The following XPR1 variants were observed in gnomAD, a reference collection of about 807,000 sequenced individuals.
The protein encoded by XPR1 is xenotropic and polytropic retrovirus receptor 1, also known as solute carrier family 53 member 1.
A neutral mutation model predicts 87.5 loss-of-function variants in XPR1; 28 were observed. That is an observed-to-expected ratio of 0.32 (90% CI 0.24 to 0.44). XPR1 has a LOEUF of 0.44. XPR1 is among the 20% of genes least tolerant of loss of function. XPR1 has a pLI of 1.00. For synonymous variants in XPR1, 300 were observed against 306.1 expected, an observed-to-expected ratio of 0.98 and a Z score of 0.21; for missense variants, 559 against 862.3, an observed-to-expected ratio of 0.65 and a Z score of 4.41.
chr1:180,838,234 T>C (rs1651374926), intron 11 of XPR1, among the ~76,000 whole-genome samples: 1 of 152,040 alleles, frequency 6.6e-6, no homozygotes, highest in Non-Finnish European at 1.5e-5. Context: ...GAAGAGAAAA[T>C]ATCTTTCCTG....
At chr1:180,682,835 T>C (rs894382631) in intron 2 of XPR1, among the ~76,000 whole-genome samples, 34 of 147,046 alleles carry the variant, frequency 2.3e-4, no homozygotes, top group East Asian at 1.2e-3. Context: ...TGTGTGTGCG[T>C]GTGTGTGTGT....
Position 180,729,019 on chromosome 1 carries a change from A to T in XPR1, c.121+46608A>T, listed in dbSNP as rs559140385. Among the ~76,000 whole-genome samples the T allele has an allele frequency of 1.2e-4, 18 of 152,160 alleles. No individual in the cohort carries two copies. The South Asian group carries it at 3.5e-3, about 30-fold the overall frequency. ...CACCCTCCACCCTCAAGTAGGCCCC[A>T]GTGTTTGTTGTTTTCTTTGTGTCCA... is the stretch of plus-strand genomic sequence containing the variant. On this transcript the variant is annotated intron_variant, in intron 2 of 14. Transcript: ENST00000367590.
intron 4 of XPR1, among the ~76,000 whole-genome samples, chr1:180,805,275 G>C (rs771359792): frequency 1.4e-4 from 22 of 152,178 alleles, no homozygotes; most frequent in Non-Finnish European, 3.1e-4. Flanking sequence ...TCTTACTGTT[G>C]GGGACATGTA....
chr1:180,835,672 C>G (rs1651260340), intron 10 of XPR1, among the ~76,000 whole-genome samples: 1 of 152,130 alleles, frequency 6.6e-6, no homozygotes, highest in African/African-American at 2.4e-5. Flanking sequence ...TGATCACACT[C>G]AATTCTGAAT....
chr1:180,809,423 C>G (rs1650128109), intron 6 of XPR1, among the ~76,000 whole-genome samples: 1 of 152,256 alleles, frequency 6.6e-6, no homozygotes, highest in Non-Finnish European at 1.5e-5. Flanking sequence ...TATTGTATAT[C>G]AACTTAGTCA....
At chr1:180,806,953 CTG>C (rs1487015434) in intron 6 of XPR1, among the ~76,000 whole-genome samples, 1 of 152,082 alleles carries the variant, frequency 6.6e-6, no homozygotes, top group Non-Finnish European at 1.5e-5. Context: ...GTGATATCTT[CTG>C]TGTCATAAAA....
intron 2 of XPR1, among the ~76,000 whole-genome samples, chr1:180,686,476 G>T (rs1165374795): frequency 6.6e-6 from 1 of 152,132 alleles, no homozygotes; most frequent in Non-Finnish European, 1.5e-5. Context: ...ATTTGGGGTG[G>T]AGAGTTCTGT....
At chr1:180,657,949 T>C (rs1557942553) in intron 1 of XPR1, among the ~76,000 whole-genome samples, 1 of 152,204 alleles carries the variant, frequency 6.6e-6, no homozygotes, top group Non-Finnish European at 1.5e-5. Context: ...TTTGCATGTG[T>C]GTCCTCTTTA....
At chr1:180,645,960 A>G (rs1161007232) in intron 1 of XPR1, among the ~76,000 whole-genome samples, 1 of 152,240 alleles carries the variant, frequency 6.6e-6, no homozygotes, top group South Asian at 2.1e-4. Flanking sequence ...CAAAAACTTG[A>G]ATAGTTCTGC....
intron 11 of XPR1, among the ~76,000 whole-genome samples, chr1:180,862,506 T>C (rs1209120359): frequency 6.6e-6 from 1 of 152,126 alleles, no homozygotes; most frequent in Non-Finnish European, 1.5e-5. Context: ...TAGAACTAAC[T>C]CAAATGCTGC....
chr1:180,827,471 G>T (rs1184674997), intron 9 of XPR1, among the ~76,000 whole-genome samples: 2 of 152,160 alleles, frequency 1.3e-5, no homozygotes, highest in African/African-American at 4.8e-5. Context: ...ACTCCTATTA[G>T]CAGAATGATT....
In XPR1 at chr1:180,887,189, C is replaced by CA. The variant is rs1221834036; in HGVS notation, c.*3131dup. On this transcript the variant is annotated 3_prime_UTR_variant, in exon 15 of 15. Transcript: ENST00000367590. ...AGCAAGACTCCATCTCAAAAACAAA[C>CA]AAAAAAAATCACAGACTCATTTTAA... 7.2e-5 allele frequency: 11 copies of CA among 151,898 alleles called. No homozygotes were observed. In the East Asian group the frequency reaches 1.2e-3, roughly 16 times the overall value. The allele number at this position is 151,898 out of a possible 1,614,324, so 9.4% of individuals were successfully genotyped here. A position where few individuals can be genotyped will look rare whatever the true frequency, so the allele number is the denominator to read the frequency against.
At chr1:180,637,898 C>A (rs928973665) in intron 1 of XPR1, among the ~76,000 whole-genome samples, 1 of 152,138 alleles carries the variant, frequency 6.6e-6, no homozygotes, top group East Asian at 1.9e-4. Flanking sequence ...CTGTCAGTCA[C>A]AATGAACTTG....
In XPR1 at chr1:180,850,157, T is replaced by C. The variant is rs565023125; in HGVS notation, c.1501+13441T>C. ...ACAGGTTTTACTCTACTTCTAAAAA[T>C]ATTTTATTTAAAAGAAAAATGAAAT... On this transcript the variant is annotated intron_variant, in intron 11 of 14. Coordinates refer to ENST00000367590, the MANE Select transcript of XPR1 (RefSeq NM_004736.4). Among the ~76,000 whole-genome samples, 4 of 152,328 alleles carry C rather than the reference T, an allele frequency of 2.6e-5. No individual in the cohort carries two copies. The East Asian group carries it at 7.7e-4, about 29-fold the overall frequency.
At chr1:180,775,721 T>C (rs559662698) in intron 2 of XPR1, among the ~76,000 whole-genome samples, 28 of 152,278 alleles carry the variant, frequency 1.8e-4, no homozygotes, top group African/African-American at 6.3e-4. Context: ...AGGCCTTCAG[T>C]TAAAAATACC....
intron 2 of XPR1, 27 bp from the exon 3 acceptor site, chr1:180,787,726 T>G (rs773937108): frequency 2.0e-6 from 3 of 1,513,172 alleles, no homozygotes; most frequent in Non-Finnish European, 2.7e-6. Flanking sequence ...GGACATTAAA[T>G]TTAAATATTG....
intron 14 of XPR1, among the ~76,000 whole-genome samples, chr1:180,882,212 G>C (rs1652868167): frequency 6.6e-6 from 1 of 152,182 alleles, no homozygotes; most frequent in African/African-American, 2.4e-5. Flanking sequence ...TGGGAAACCA[G>C]ATTGCACCAA....
At chr1:180,692,961 C>T (rs1489921224) in intron 2 of XPR1, among the ~76,000 whole-genome samples, 1 of 152,106 alleles carries the variant, frequency 6.6e-6, no homozygotes, top group Non-Finnish European at 1.5e-5. Context: ...CTGTAAAAGT[C>T]ACTAATATAT....
intron 2 of XPR1, among the ~76,000 whole-genome samples, chr1:180,773,655 T>C (rs1250884153): frequency 1.3e-5 from 2 of 152,224 alleles, no homozygotes; most frequent in Non-Finnish European, 2.9e-5. Context: ...GTCATTCTTA[T>C]GAGTCAGTGA....
Sources: allele counts gnomAD v4.1 joint callset (sites outside exome capture counted in the v4.1 genomes callset), GRCh38; gene constraint gnomAD v4.1.1; transcripts MANE v1.5; gene names NCBI Gene and HGNC (gene_info 2026-07-23, HGNC 2026-07-21).